SLC9A9: variants seen among roughly 807,000 people sequenced by gnomAD.
The protein encoded by SLC9A9 is sodium/hydrogen exchanger 9.
Under a neutral mutation model 77.8 loss-of-function variants are expected in SLC9A9, and 62 were observed. That is an observed-to-expected ratio of 0.80 (90% CI 0.65 to 0.98). The LOEUF is 0.98. SLC9A9 is among the 50% of genes least tolerant of loss of function. The pLI, the probability that SLC9A9 is intolerant of heterozygous loss-of-function variation, is 0.00. For missense variants in SLC9A9, 775 were observed against 774.9 expected, an observed-to-expected ratio of 1.00 and a Z score of 0.00; for synonymous variants, 320 against 283.5, an observed-to-expected ratio of 1.13 and a Z score of -1.29.
chr3:143,386,412 G>T (rs923431167), intron 12 of SLC9A9, among the ~76,000 whole-genome samples: 4 of 152,124 alleles, frequency 2.6e-5, no homozygotes, highest in African/African-American at 9.6e-5. Context: ...AGACTACCTG[G>T]GTTGAAAAAT....
chr3:143,439,309 C>T (rs2034681717), intron 12 of SLC9A9, among the ~76,000 whole-genome samples: 2 of 152,196 alleles, frequency 1.3e-5, no homozygotes, highest in African/African-American at 4.8e-5. Context: ...AAGGGGAGGA[C>T]CCAGGATTAG....
intron 14 of SLC9A9, among the ~76,000 whole-genome samples, chr3:143,293,090 G>A (rs576479536): frequency 1.1e-3 from 174 of 152,216 alleles, no homozygotes; most frequent in African/African-American, 3.8e-3. Flanking sequence ...TTAAGGTTAC[G>A]CATTATATGC....
Position 143,554,114 on chromosome 3 carries a change from T to C in SLC9A9, c.1001-1664A>G, listed in dbSNP as rs1239396776. Reference sequence around the variant, plus strand: ...GACTAGATATTGATCTGTAGAGAAGTAGTGAATAAAAGGGCAGGTGTGTCT... The same window carrying C: ...GACTAGATATTGATCTGTAGAGAAGCAGTGAATAAAAGGGCAGGTGTGTCT... On this transcript the variant is annotated intron_variant, in intron 8 of 15. Coordinates refer to ENST00000316549, the MANE Select transcript of SLC9A9 (RefSeq NM_173653.4). 2.0e-5 allele frequency among the ~76,000 whole-genome samples: 3 copies of C among 152,142 alleles called. No homozygotes were observed. In the East Asian group the frequency reaches 5.8e-4, roughly 29 times the overall value.
chr3:143,451,645 A>C (rs1232678923), intron 12 of SLC9A9, among the ~76,000 whole-genome samples: 1 of 152,158 alleles, frequency 6.6e-6, no homozygotes, highest in Non-Finnish European at 1.5e-5. Flanking sequence ...AAAGGAGAAA[A>C]GGGGAAGTTC....
intron 14 of SLC9A9, among the ~76,000 whole-genome samples, chr3:143,292,043 C>T (rs1482342285): frequency 1.3e-5 from 2 of 152,178 alleles, no homozygotes; most frequent in African/African-American, 2.4e-5. Context: ...CTGGGCTTGT[C>T]CTGGTCTAAC....
At chr3:143,784,427 A>G (rs1275134511) in intron 4 of SLC9A9, among the ~76,000 whole-genome samples, 1 of 152,070 alleles carries the variant, frequency 6.6e-6, no homozygotes, top group Non-Finnish European at 1.5e-5. Context: ...TAGCTCTTCT[A>G]TGGTCAACTT....
At chr3:143,821,683 C>T (rs895956909) in intron 2 of SLC9A9, among the ~76,000 whole-genome samples, 2 of 152,172 alleles carry the variant, frequency 1.3e-5, no homozygotes, top group Non-Finnish European at 2.9e-5. Flanking sequence ...CTGATTTGTA[C>T]CTTTTGCCAA....
chr3:143,400,924 T>G (rs1465846047), intron 12 of SLC9A9, among the ~76,000 whole-genome samples: 1 of 151,960 alleles, frequency 6.6e-6, no homozygotes, highest in African/African-American at 2.4e-5. Flanking sequence ...CTTGTTTGCC[T>G]CCCCCAGTCC....
intron 5 of SLC9A9, among the ~76,000 whole-genome samples, chr3:143,676,429 A>G (rs1463317546): frequency 6.6e-6 from 1 of 152,176 alleles, no homozygotes; most frequent in African/African-American, 2.4e-5. Flanking sequence ...AACACATGTT[A>G]TGTAGTGAGA....
intron 9 of SLC9A9, among the ~76,000 whole-genome samples, chr3:143,516,775 T>C (rs750985134): frequency 1.2e-4 from 18 of 152,186 alleles, no homozygotes; most frequent in Non-Finnish European, 2.4e-4. Context: ...TCTGAAAATA[T>C]GCTGAGAGTA....
chr3:143,326,916 C>A (rs2031623370), intron 14 of SLC9A9, among the ~76,000 whole-genome samples: 2 of 152,154 alleles, frequency 1.3e-5, no homozygotes, highest in Admixed American at 1.3e-4. Context: ...TCACTGGAGT[C>A]TATTAGGGGA....
intron 13 of SLC9A9, among the ~76,000 whole-genome samples, chr3:143,378,963 C>T (rs1262781159): frequency 2.0e-5 from 3 of 151,728 alleles, no homozygotes; most frequent in Non-Finnish European, 4.4e-5. Context: ...AGTTCACATT[C>T]CCAAAAGTTA....
intron 12 of SLC9A9, among the ~76,000 whole-genome samples, chr3:143,397,866 C>A (rs1407892668): frequency 6.6e-6 from 1 of 152,070 alleles, no homozygotes; most frequent in Non-Finnish European, 1.5e-5. Context: ...TATACTTTGA[C>A]AATAAGGGGG....
At chr3:143,339,238 G>A (rs1445374056) in intron 14 of SLC9A9, among the ~76,000 whole-genome samples, 4 of 152,168 alleles carry the variant, frequency 2.6e-5, no homozygotes, top group Non-Finnish European at 5.9e-5. Flanking sequence ...TCTCATTAGA[G>A]CTTCCTCCTG....
intron 6 of SLC9A9, among the ~76,000 whole-genome samples, chr3:143,591,703 C>T (rs1391917967): frequency 2.0e-5 from 3 of 152,224 alleles, no homozygotes; most frequent in Non-Finnish European, 2.9e-5. Context: ...GTTCATCTGT[C>T]AAGGCCATAG....
At chr3:143,616,765 T>C (rs2038113584) in intron 6 of SLC9A9, among the ~76,000 whole-genome samples, 1 of 152,130 alleles carries the variant, frequency 6.6e-6, no homozygotes, top group South Asian at 2.1e-4. Context: ...CCCAAGGATG[T>C]TTAGTGACAC....
chr3:143,574,213 G>GGA lies in SLC9A9; in HGVS notation c.895-22_895-21dup, dbSNP rs1410391870. On this transcript the variant is annotated intron_variant, in intron 7 of 15. Coordinates refer to ENST00000316549, the MANE Select transcript of SLC9A9 (RefSeq NM_173653.4). ...GGTCAAGTGAGGAAGATAAGTTAAG[G>GGA]GAAACAACAACAGCTTTTACAGCTA... 6.3e-7 allele frequency: 1 copy of GGA among 1,590,368 alleles called. No individual in the cohort carries two copies. Among genetic ancestry groups the GGA allele is most frequent in the Non-Finnish European group, 8.6e-7 (1 of 1,159,886 alleles).
chr3:143,778,037 C>CAAAAAAAAAAAAAAAAAAAAAAAAAAAAA (rs748982877), intron 4 of SLC9A9, among the ~76,000 whole-genome samples: 1 of 75,572 alleles, frequency 1.3e-5, no homozygotes, highest in Admixed American at 2.0e-4. Context: ...TTATAAAATG[C>CAAAAAAAAAAAAAAAAAAAAAAAAAAAAA]AAAAAAAAAA....
At position 143,785,853 on chromosome 3, in the gene SLC9A9, T is replaced by C. The variant is rs1489425789; in HGVS notation, c.533+9148A>G. 7.9e-5 allele frequency among the ~76,000 whole-genome samples: 5 copies of C among 63,280 alleles called. 1 individual carries two copies. Among genetic ancestry groups the C allele is most frequent in the African/African-American group, 5.0e-4 (2 of 3,986 alleles). The allele number at this position is 63,280 out of a possible 152,430, so 41.5% of individuals were successfully genotyped here. Reference sequence around the variant, plus strand: ...CTAAGACTTGAATTTTTCTTTTTTTTTTTTTTTTTTTTTTTTTTTTTGAGA... The same window carrying C: ...CTAAGACTTGAATTTTTCTTTTTTTCTTTTTTTTTTTTTTTTTTTTTGAGA... On this transcript the variant is annotated intron_variant, in intron 4 of 15. Coordinates refer to ENST00000316549, the MANE Select transcript of SLC9A9 (RefSeq NM_173653.4).
Sources: gnomAD v4.1 joint callset for allele counts (sites outside exome capture counted in the v4.1 genomes callset) on GRCh38, gnomAD v4.1.1 for gene constraint, MANE v1.5 for transcripts, NCBI Gene and HGNC (gene_info 2026-07-23, HGNC 2026-07-21) for gene names.